The following YAE1 variants were observed in gnomAD, a reference collection of about 807,000 sequenced individuals.
YAE1 encodes YAE1 maturation factor of ABCE1.
Under a neutral mutation model 23.0 loss-of-function variants are expected in YAE1, and 22 were observed. That is an observed-to-expected ratio of 0.96 (90% CI 0.68 to 1.37). The LOEUF (loss-of-function observed/expected upper bound fraction) is 1.37. YAE1 is among the 40% of genes most tolerant of loss of function. The pLI, the probability that YAE1 is intolerant of heterozygous loss-of-function variation, is 0.00. For synonymous variants in YAE1, 101 were observed against 97.0 expected (o/e 1.04, Z -0.24); for missense variants, 260 against 262.1 (o/e 0.99, Z 0.06).
chr7:39,568,942 A>G (rs1209276244), intron 1 of YAE1, among the ~76,000 whole-genome samples: 4 of 152,218 alleles, frequency 2.6e-5, no homozygotes, highest in Non-Finnish European at 5.9e-5. Flanking sequence ...ATTTCTTGAG[A>G]CAGTGGGCAA....
intron 2 of YAE1, among the ~76,000 whole-genome samples, chr7:39,601,360 A>C (rs1248739766): frequency 6.6e-6 from 1 of 152,216 alleles, no homozygotes; most frequent in Non-Finnish European, 1.5e-5. Context: ...CTATTACAAA[A>C]ACATTGTAAA....
Position 39,609,814 on chromosome 7 carries a change from CCCGGCTCCGGGCCCCAGGCCCTGGGACG to C in YAE1, c.453_480del (p.Leu152AlafsTer51). On this transcript the variant is annotated frameshift_variant, in exon 3 of 3. Coordinates refer to the YAE1 transcript ENST00000432096. LOFTEE classifies it low-confidence loss of function (END_TRUNC). Reference sequence around the variant, plus strand: ...GGCCGCGCCACTCCCCGCTTCCCCGCCCGGCTCCGGGCCCCAGGCCCTGGGACGCCGAGCCACCGCCGGCGTTTCAGAC... The same window carrying C: ...GGCCGCGCCACTCCCCGCTTCCCCGCCCGAGCCACCGCCGGCGTTTCAGAC... The C allele has an allele frequency of 6.5e-7, 1 of 1,531,476 alleles. No individual in the cohort carries two copies. The highest frequency in any genetic ancestry group is 8.7e-7 in the Non-Finnish European group (1 of 1,144,206). The allele number at this position is 1,531,476 out of a possible 1,614,324, so 94.9% of individuals were successfully genotyped here.
intron 2 of YAE1, among the ~76,000 whole-genome samples, chr7:39,583,339 G>T (rs1045696244): frequency 6.6e-6 from 1 of 151,842 alleles, no homozygotes; most frequent in Non-Finnish European, 1.5e-5. Flanking sequence ...TCACAATATT[G>T]CTTCTGTTTT....
chr7:39,583,828 A>T (rs1790778079), intron 2 of YAE1, among the ~76,000 whole-genome samples: 1 of 152,174 alleles, frequency 6.6e-6, no homozygotes, highest in South Asian at 2.1e-4. Context: ...AGGTCAGTTC[A>T]CTTTCCTGTG....
chr7:39,566,827 A>G (rs529776427), intron 1 of YAE1: 128 of 335,862 alleles, frequency 3.8e-4, no homozygotes, highest in Non-Finnish European at 5.7e-4. Flanking sequence ...TTTGTTGAGG[A>G]TCACAGGGAA....
chr7:39,574,990 T>G (rs1400798695), downstream of YAE1, among the ~76,000 whole-genome samples: 1 of 152,240 alleles, frequency 6.6e-6, no homozygotes, highest in African/African-American at 2.4e-5. Context: ...AACATGAGCC[T>G]CTGTACTAGA....
intron 2 of YAE1, among the ~76,000 whole-genome samples, chr7:39,602,195 A>T (rs1340019237): frequency 6.6e-6 from 1 of 152,256 alleles, no homozygotes; most frequent in Non-Finnish European, 1.5e-5. Flanking sequence ...TTAAGAGAAC[A>T]TCTGGTTAGA....
intron 2 of YAE1, among the ~76,000 whole-genome samples, chr7:39,591,033 G>C (rs888766994): frequency 2.0e-5 from 3 of 152,178 alleles, no homozygotes. Flanking sequence ...GTGTTGGCAG[G>C]CTTGGTTCCT....
chr7:39,577,105 A>T (rs921808245), downstream of YAE1, among the ~76,000 whole-genome samples: 1 of 152,208 alleles, frequency 6.6e-6, no homozygotes. Context: ...CATGTTGGCC[A>T]GGCTGGTCTC....
At chr7:39,600,462 A>G (rs1791039698) in intron 2 of YAE1, among the ~76,000 whole-genome samples, 1 of 152,082 alleles carries the variant, frequency 6.6e-6, no homozygotes, top group Non-Finnish European at 1.5e-5. Flanking sequence ...CAGTGGCACT[A>G]TCTCAGCTCA....
At chr7:39,607,339 T>A (rs1313797065) in intron 2 of YAE1, among the ~76,000 whole-genome samples, 1 of 152,220 alleles carries the variant, frequency 6.6e-6, no homozygotes, top group Non-Finnish European at 1.5e-5. Flanking sequence ...GGCTTTAAAA[T>A]AGGAAGTTAT....
intron 2 of YAE1, among the ~76,000 whole-genome samples, chr7:39,598,195 C>T (rs1209301141): frequency 2.0e-5 from 3 of 151,912 alleles, no homozygotes; most frequent in Admixed American, 2.0e-4. Flanking sequence ...CTGCAACTTC[C>T]GCCTCCCAGG....
chr7:39,571,420 G>GA (rs1440464694), intron 2 of YAE1, among the ~76,000 whole-genome samples: 1,469 of 143,622 alleles, frequency 0.01, 7 homozygotes, highest in Non-Finnish European at 0.016. Context: ...CCTTGGTAGA[G>GA]AAAAAAAAAA....
At chr7:39,573,850 G>C (rs748716), downstream of YAE1, among the ~76,000 whole-genome samples, 1 of 151,894 alleles carries the variant, frequency 6.6e-6, no homozygotes, top group African/African-American at 2.4e-5. Context: ...TAAAACCCCC[G>C]CTGAAGATAC....
rs771802598 is a variant in YAE1 at position 39,609,749 on chromosome 7, G to A, written c.384G>A (p.Thr128=). The change falls in exon 3 of 3, where the codon ACG becomes ACA. Residue 128 remains threonine, a synonymous_variant. Transcript: ENST00000432096. The stretch of plus-strand genomic sequence containing the variant: ...GCGGGGCGACACCGAAGCAGCCCAC[G>A]GAGCTCGAGGCGACGCTGCTGAGCC... 3.2e-5 allele frequency: 49 copies of A among 1,535,068 alleles called. 1 individual carries two copies. The highest frequency in any genetic ancestry group is 1.7e-4 in the Middle Eastern group (1 of 5,992).
chr7:39,589,229 A>G (rs1346865888), intron 2 of YAE1, among the ~76,000 whole-genome samples: 2 of 152,222 alleles, frequency 1.3e-5, no homozygotes, highest in Non-Finnish European at 2.9e-5. Flanking sequence ...TTGAAAAACA[A>G]TGTTAACAAA....
intron 2 of YAE1, among the ~76,000 whole-genome samples, chr7:39,601,079 C>T (rs1424619831): frequency 2.0e-5 from 3 of 152,274 alleles, no homozygotes; most frequent in South Asian, 2.1e-4. Flanking sequence ...AAGATTTTGT[C>T]TGTATTATTT....
At chr7:39,596,903 T>C (rs1451348657) in intron 2 of YAE1, among the ~76,000 whole-genome samples, 1 of 152,228 alleles carries the variant, frequency 6.6e-6, no homozygotes, top group Non-Finnish European at 1.5e-5. Flanking sequence ...AAACAGGCCA[T>C]GTCCACAAAA....
intron 2 of YAE1, among the ~76,000 whole-genome samples, chr7:39,608,835 C>T (rs1296441605): frequency 1.3e-5 from 2 of 152,152 alleles, no homozygotes; most frequent in African/African-American, 4.8e-5. Flanking sequence ...TACTCTTTCA[C>T]TCATTACATA....
Sources: allele counts gnomAD v4.1 joint callset (sites outside exome capture counted in the v4.1 genomes callset), GRCh38; gene constraint gnomAD v4.1.1; transcripts MANE v1.5; gene names NCBI Gene and HGNC (gene_info 2026-07-23, HGNC 2026-07-21).